Variants in SYTL5 observed in about 807,000 individuals in gnomAD.
SYTL5 encodes the protein synaptotagmin-like protein 5.
A neutral mutation model predicts 55.9 loss-of-function variants in SYTL5; 34 were observed. The observed-to-expected ratio is 0.61, with a 90% CI of 0.46 to 0.81. The LOEUF (loss-of-function observed/expected upper bound fraction) is 0.81, where lower values mean the gene tolerates loss of function less well. Ranked by LOEUF, SYTL5 falls within the 30% of genes least tolerant of loss-of-function variation. The pLI is 0.00. For missense variants in SYTL5, 637 were observed against 546.7 expected, an observed-to-expected ratio of 1.17 and a Z score of -1.65; for synonymous variants, 221 against 188.7, an observed-to-expected ratio of 1.17 and a Z score of -1.40.
At chrX:38,087,615 C>T (rs1433314769) in intron 6 of SYTL5, among the ~76,000 whole-genome samples, 2 of 111,787 alleles carry the variant, frequency 1.8e-5, no homozygotes, top group Non-Finnish European at 3.8e-5. Flanking sequence ...GAAAAGCCAC[C>T]CTTTAGTAAC....
chrX:38,031,955 T>G (rs1934965551), intron 1 of SYTL5, among the ~76,000 whole-genome samples: 1 of 111,877 alleles, frequency 8.9e-6, no homozygotes, highest in Non-Finnish European at 1.9e-5. Context: ...TGGCTCTTTG[T>G]CTGTAGGAAG....
rs1162037924 is a variant in SYTL5, at chrX:38,052,674, C to T, written c.120-1539C>T. The stretch of plus-strand genomic sequence containing the variant: ...ACCTAGCATGAAATTGGATCCTGAG[C>T]AGTATATACAATAAACTAAGGCCTT... On this transcript the variant is annotated intron_variant, in intron 2 of 16. Transcript: ENST00000297875. Among the ~76,000 whole-genome samples the T allele has an allele frequency of 2.7e-5, 3 of 112,113 alleles. No homozygotes were observed. The Admixed American group carries it at 2.8e-4, about 11-fold the overall frequency.
At chrX:38,109,819 A>T (rs1937313131) in intron 12 of SYTL5, among the ~76,000 whole-genome samples, 1 of 110,971 alleles carries the variant, frequency 9.0e-6, no homozygotes. Flanking sequence ...TCTGTTTAAT[A>T]TACATGTACA....
intron 1 of SYTL5, among the ~76,000 whole-genome samples, chrX:38,020,253 T>G (rs965161713): frequency 3.7e-5 from 4 of 109,230 alleles, no homozygotes; most frequent in African/African-American, 1.3e-4. Context: ...TGTATTTTTT[T>G]AACTGATTTT....
At position 38,073,644 on chromosome X, in the gene SYTL5, A is replaced by G. The variant is rs1215322168; in HGVS notation, c.500A>G (p.Asp167Gly). Reference sequence around the variant, plus strand: ...ACCCGCCAGGATGCAGAAAAGTCAGACACTTCACCTGTTGCTGGGAAGAAG... The same window carrying G: ...ACCCGCCAGGATGCAGAAAAGTCAGGCACTTCACCTGTTGCTGGGAAGAAG... ...EQTRQDAEKS[D>G]TSPVAGKKAS... The change falls in exon 5 of 17, where the codon GAC becomes GGC. Residue 167 changes from aspartate to glycine, a missense_variant. Coordinates refer to ENST00000297875, the MANE Select transcript of SYTL5 (RefSeq NM_138780.3). The G allele has an allele frequency of 4.2e-6, 5 of 1,200,654 alleles. No individual in the cohort carries two copies. Among genetic ancestry groups the G allele is most frequent in the Non-Finnish European group, 5.6e-6 (5 of 890,022 alleles).
At chrX:38,055,225 G>A (rs914735361) in intron 3 of SYTL5, among the ~76,000 whole-genome samples, 8 of 111,629 alleles carry the variant, frequency 7.2e-5, no homozygotes, top group African/African-American at 1.6e-4. Context: ...CCTCCAAACC[G>A]AATTTCCTCC....
At chrX:38,102,875 A>T in intron 10 of SYTL5, 1 of 425,364 alleles carries the variant, frequency 2.4e-6, no homozygotes, top group Non-Finnish European at 4.0e-6. Context: ...TACAAAATAA[A>T]GTCCTTTCTT....
chrX:38,050,270 T>A (rs775275650), intron 2 of SYTL5, among the ~76,000 whole-genome samples: 36 of 112,215 alleles, frequency 3.2e-4, no homozygotes, highest in African/African-American at 1.2e-3. Context: ...GCCACACAAA[T>A]GTGACAAGAA....
the SYTL5 span, among the ~76,000 whole-genome samples, chrX:37,920,846 A>G: frequency 9.6e-3 from 1,078 of 111,741 alleles, 12 homozygotes; most frequent in African/African-American, 0.034. Context: ...ATCTAGCACA[A>G]AAACCACAAT....
At chrX:38,043,755 T>C (rs1248624532) in intron 2 of SYTL5, among the ~76,000 whole-genome samples, 1 of 101,464 alleles carries the variant, frequency 9.9e-6, no homozygotes, top group Non-Finnish European at 2.0e-5. Flanking sequence ...ACATACTATA[T>C]ATGTAAATTT....
Position 38,122,118 on chromosome X carries a change from CCTGTAATCT to C in SYTL5, c.1748_1756del (p.Val583_Ser585del), listed in dbSNP as rs765990642. On this transcript the variant is annotated inframe_deletion, in exon 15 of 17. Coordinates refer to ENST00000297875, the MANE Select transcript of SYTL5 (RefSeq NM_138780.3). Reference sequence around the variant, plus strand: ...TAAAAAGGGAAAGAAGAAGGAGTCACCTGTAATCTCTGGAGGAATACTAGAAGTGTTCAT... The same window carrying C: ...TAAAAAGGGAAAGAAGAAGGAGTCACCTGGAGGAATACTAGAAGTGTTCAT... 58 of 1,200,868 alleles carry C rather than the reference CCTGTAATCT, an allele frequency of 4.8e-5. No homozygotes were observed. In the East Asian group the frequency reaches 1.7e-3, roughly 36 times the overall value.
intron 6 of SYTL5, among the ~76,000 whole-genome samples, chrX:38,080,807 T>A (rs1936512111): frequency 8.9e-6 from 1 of 112,116 alleles, no homozygotes; most frequent in South Asian, 3.7e-4. Flanking sequence ...TAATTTTCAT[T>A]GACATCTTTG....
At chrX:38,052,793 A>T (rs143417310) in intron 2 of SYTL5, among the ~76,000 whole-genome samples, 4 of 111,720 alleles carry the variant, frequency 3.6e-5, no homozygotes, top group African/African-American at 1.3e-4. Flanking sequence ...GTGTGGGATG[A>T]TTCTCAATTT....
Position 38,026,552 on chromosome X carries a change from G to A in SYTL5, c.-356-6982G>A, listed in dbSNP as rs767258110. 8.0e-5 allele frequency among the ~76,000 whole-genome samples: 9 copies of A among 112,139 alleles called. No individual in the cohort carries two copies. The South Asian group carries it at 3.0e-3, about 38-fold the overall frequency. On this transcript the variant is annotated intron_variant, in intron 1 of 16. Transcript: ENST00000297875. ...TAAAAGAATGGCTACTCCATAGGCC[G>A]AGCAGCCCCAAGGGCTGTTGGTTGT... is the stretch of plus-strand genomic sequence containing the variant.
chrX:37,965,840 A>G, the SYTL5 span, among the ~76,000 whole-genome samples: 2 of 112,463 alleles, frequency 1.8e-5, no homozygotes, highest in South Asian at 7.2e-4. Context: ...CATTGGCACT[A>G]TTATCATTAT....
chrX:38,068,767 G>A (rs770224123), intron 3 of SYTL5, among the ~76,000 whole-genome samples: 10 of 110,611 alleles, frequency 9.0e-5, no homozygotes, highest in Non-Finnish European at 1.7e-4. Flanking sequence ...AGATACTGTG[G>A]ACTCCTGGGG....
chrX:37,912,594 G>T, the SYTL5 span, among the ~76,000 whole-genome samples: 30 of 111,864 alleles, frequency 2.7e-4, no homozygotes, highest in Admixed American at 2.8e-3. Flanking sequence ...GTTATCTGGG[G>T]GTTGGCTCAA....
intron 11 of SYTL5, 143 bp from the exon 12 acceptor site, chrX:38,108,457 T>C: frequency 2.3e-6 from 1 of 426,004 alleles, no homozygotes; most frequent in Non-Finnish European, 4.2e-6. Context: ...TTTTAAGGTA[T>C]CCTGTTATAT....
In SYTL5 at chrX:38,102,384, T is replaced by C. The variant is rs144315180; in HGVS notation, c.1105T>C (p.Ser369Pro). 4.0e-3 allele frequency: 4,855 copies of C among 1,207,776 alleles called. 10 individuals carry two copies. Among genetic ancestry groups the C allele is most frequent in the Non-Finnish European group, 4.3e-3 (3,857 of 893,299 alleles). The change falls in exon 10 of 17, where the codon TCC becomes CCC. Residue 369 changes from serine (S) to proline (P), a missense_variant. Transcript: ENST00000297875. Reference sequence around the variant, plus strand: ...TGAAGAAAGCATTGATGCCTTAGTGTCCTCGCAGTTATCTACAAACACTCA... The same window carrying C: ...TGAAGAAAGCATTGATGCCTTAGTGCCCTCGCAGTTATCTACAAACACTCA... ...ETEESIDALV[S>P]SQLSTNTHRL... is the part of the protein sequence containing the mutation.
Sources: allele counts gnomAD v4.1 joint callset (sites outside exome capture counted in the v4.1 genomes callset), GRCh38; gene constraint gnomAD v4.1.1; transcripts MANE v1.5; gene names NCBI Gene and HGNC (gene_info 2026-07-23, HGNC 2026-07-21).